Variants in PLEKHG1 observed in about 807,000 individuals in gnomAD.
PLEKHG1 encodes the protein pleckstrin homology and RhoGEF domain containing G1.
In PLEKHG1, 44 loss-of-function variants were observed where a neutral mutation model predicts 100.8. The observed-to-expected ratio is 0.44, with a 90% CI of 0.34 to 0.56. The LOEUF (loss-of-function observed/expected upper bound fraction) is 0.56, where lower values mean the gene tolerates loss of function less well. Ranked by LOEUF, PLEKHG1 falls within the 20% of genes least tolerant of loss-of-function variation. The probability of loss-of-function intolerance (pLI) is 0.01; values close to 1 mark genes in which losing one functional copy is unlikely to be tolerated. For missense variants in PLEKHG1, 1,545 were observed against 1,720.9 expected (o/e 0.90, Z 1.81); for synonymous variants, 640 against 662.5 (o/e 0.97, Z 0.52).
Position 150,733,824 on chromosome 6 carries a change from A to AG in PLEKHG1, c.145dup (p.Val49GlyfsTer33). On this transcript the variant is annotated frameshift_variant, in exon 2 of 16. Transcript: ENST00000358517. LOFTEE classifies it high-confidence loss of function. ...ATGGGCTTGTTTAACCAGGATAAGG[A>AG]GGTAGGGGCCATAAAACTGGAGCTG... The AG allele has an allele frequency of 6.2e-7, 1 of 1,614,174 alleles. No homozygotes were observed. The highest frequency in any genetic ancestry group is 8.5e-7 in the Non-Finnish European group (1 of 1,180,014).
intron 1 of PLEKHG1, among the ~76,000 whole-genome samples, chr6:150,613,096 T>C (rs1426382791): frequency 6.6e-6 from 1 of 152,178 alleles, no homozygotes; most frequent in Admixed American, 6.5e-5. Flanking sequence ...ATACTCACTC[T>C]GCATCAGCCC....
intron 1 of PLEKHG1, among the ~76,000 whole-genome samples, chr6:150,616,943 C>G (rs1777098738): frequency 6.6e-6 from 1 of 152,010 alleles, no homozygotes; most frequent in Non-Finnish European, 1.5e-5. Context: ...GAATTATGAC[C>G]TCAATTGAGG....
At chr6:150,725,567 A>T (rs953985317) in intron 1 of PLEKHG1, among the ~76,000 whole-genome samples, 3 of 152,154 alleles carry the variant, frequency 2.0e-5, no homozygotes, top group African/African-American at 7.2e-5. Flanking sequence ...CATGGTTTGC[A>T]AATATTTTCT....
chr6:150,603,089 AAAAAT>A (rs777814446), intron 1 of PLEKHG1, among the ~76,000 whole-genome samples: 8,195 of 144,540 alleles, frequency 0.057, 508 homozygotes, highest in Non-Finnish European at 0.09. Flanking sequence ...CAAAAAAAAA[AAAAAT>A]AAAAAAAAAG....
At chr6:150,606,798 C>T (rs1464170540) in intron 1 of PLEKHG1, among the ~76,000 whole-genome samples, 1 of 152,094 alleles carries the variant, frequency 6.6e-6, no homozygotes, top group African/African-American at 2.4e-5. Flanking sequence ...GTCACCCAAG[C>T]CCCTGGCACT....
chr6:150,738,023 A>G (rs1056244721), intron 2 of PLEKHG1, among the ~76,000 whole-genome samples: 1 of 151,190 alleles, frequency 6.6e-6, no homozygotes, highest in Non-Finnish European at 1.5e-5. Context: ...TATGTTGTCC[A>G]GGCTGGTCTC....
At chr6:150,699,288 A>T (rs1273174347) in intron 3 of PLEKHG1, among the ~76,000 whole-genome samples, 1 of 152,250 alleles carries the variant, frequency 6.6e-6, no homozygotes, top group African/African-American at 2.4e-5. Flanking sequence ...TGTTCTCTAG[A>T]ACTCTTACCT....
chr6:150,727,100 A>G (rs1386853040), intron 1 of PLEKHG1, among the ~76,000 whole-genome samples: 1 of 152,142 alleles, frequency 6.6e-6, no homozygotes, highest in East Asian at 1.9e-4. Flanking sequence ...GGAACTACAT[A>G]ATTTCAGCTA....
chr6:150,779,354 T>TTTGTTTTTTTTG (rs1562511485), intron 3 of PLEKHG1, among the ~76,000 whole-genome samples: 2 of 147,086 alleles, frequency 1.4e-5, no homozygotes, highest in South Asian at 2.2e-4. Context: ...GTTTTTTTTT[T>TTTGTTTTTTTTG]TTTTTTTTTG....
chr6:150,695,597 G>A (rs1780510636), intron 3 of PLEKHG1, among the ~76,000 whole-genome samples: 1 of 152,112 alleles, frequency 6.6e-6, no homozygotes, highest in Admixed American at 6.5e-5. Flanking sequence ...CCTAAGCCTC[G>A]AATTACCCAT....
At chr6:150,774,075 C>T (rs1307439378) in intron 3 of PLEKHG1, among the ~76,000 whole-genome samples, 2 of 152,144 alleles carry the variant, frequency 1.3e-5, no homozygotes, top group Admixed American at 1.3e-4. Context: ...CTCAACTTTC[C>T]TGTTCTAAGA....
chr6:150,841,310 C>T (rs1272350952), exon 16 of PLEKHG1: 4 of 268,642 alleles, frequency 1.5e-5, no homozygotes, highest in East Asian at 1.0e-4. Context: ...TAAAAGGCAA[C>T]GAAAGCTGTT....
chr6:150,784,637 G>A (rs1198661963), intron 3 of PLEKHG1, among the ~76,000 whole-genome samples: 7 of 152,174 alleles, frequency 4.6e-5, no homozygotes, highest in African/African-American at 1.4e-4. Context: ...GCCTGTCCAG[G>A]TTGGAGCAGA....
exon 16 of PLEKHG1, chr6:150,843,588 A>G (rs901294272): frequency 8.5e-5 from 13 of 152,208 alleles, no homozygotes; most frequent in Non-Finnish European, 1.6e-4. Context: ...CTAGAAAAAC[A>G]TAGTTTAAAT....
At chr6:150,807,753 G>A (rs886605546) in intron 7 of PLEKHG1, among the ~76,000 whole-genome samples, 1 of 152,156 alleles carries the variant, frequency 6.6e-6, no homozygotes, top group East Asian at 1.9e-4. Flanking sequence ...TGGATCACCC[G>A]AGATTGGGAG....
chr6:150,722,676 T>C (rs918907160), intron 1 of PLEKHG1, among the ~76,000 whole-genome samples: 6 of 152,278 alleles, frequency 3.9e-5, no homozygotes, highest in Non-Finnish European at 7.4e-5. Context: ...TAAAAGAACA[T>C]GTCTAATGTA....
intron 4 of PLEKHG1, among the ~76,000 whole-genome samples, chr6:150,794,308 G>A (rs1786183411): frequency 6.6e-6 from 1 of 152,106 alleles, no homozygotes; most frequent in Admixed American, 6.5e-5. Context: ...AATATGAATA[G>A]TGACTGGTGA....
At chr6:150,839,319 T>TCA (rs1394369116) in intron 15 of PLEKHG1, among the ~76,000 whole-genome samples, 1 of 152,190 alleles carries the variant, frequency 6.6e-6, no homozygotes, top group African/African-American at 2.4e-5. Flanking sequence ...TTTCACCATG[T>TCA]TGGCCAGGCT....
intron 1 of PLEKHG1, among the ~76,000 whole-genome samples, chr6:150,624,440 C>T (rs924575510): frequency 2.6e-5 from 4 of 152,184 alleles, no homozygotes; most frequent in African/African-American, 4.8e-5. Flanking sequence ...GGAGGTCTTC[C>T]GTCCTATGGA....
Sources: gnomAD v4.1 joint callset for allele counts (sites outside exome capture counted in the v4.1 genomes callset) on GRCh38, gnomAD v4.1.1 for gene constraint, MANE v1.5 for transcripts, NCBI Gene and HGNC (gene_info 2026-07-23, HGNC 2026-07-21) for gene names.